The following NRG2 variants were observed in gnomAD, a reference collection of about 807,000 sequenced individuals.
NRG2 encodes the protein neuregulin 2.
Under a neutral mutation model 73.9 loss-of-function variants are expected in NRG2, and 27 were observed. That is an observed-to-expected ratio of 0.37 (90% CI 0.27 to 0.50). The LOEUF is 0.50. Ranked by LOEUF, NRG2 falls within the 20% of genes least tolerant of loss-of-function variation. NRG2 has a pLI of 0.96. For synonymous variants in NRG2, 532 were observed against 541.0 expected, an observed-to-expected ratio of 0.98 and a Z score of 0.23; for missense variants, 1,126 against 1,210.1, an observed-to-expected ratio of 0.93 and a Z score of 1.03.
In NRG2 at chr5:139,855,711, C is replaced by G; in HGVS notation, c.1257G>C (p.Val419=). The change falls in exon 6 of 10, where the codon GTG becomes GTC. Residue 419 remains valine, a synonymous_variant. Coordinates refer to ENST00000361474, the MANE Select transcript of NRG2 (RefSeq NM_004883.3). The stretch of plus-strand genomic sequence containing the variant: ...AGTAGGCCACCACACAGACGATGCC[C>G]ACGACCAGCAGAGCCACGCAGATGC... ...ITGICVALLV[V]GIVCVVAYCK... 1 of 1,614,124 alleles carries G rather than the reference C, an allele frequency of 6.2e-7. No homozygotes were observed. Among genetic ancestry groups the G allele is most frequent in the Non-Finnish European group, 8.5e-7 (1 of 1,179,992 alleles).
chr5:139,918,977 G>T (rs1751467880), intron 1 of NRG2, among the ~76,000 whole-genome samples: 1 of 152,196 alleles, frequency 6.6e-6, no homozygotes, highest in Admixed American at 6.5e-5. Context: ...TAGAAGAATA[G>T]GGTGAGTCAA....
intron 1 of NRG2, among the ~76,000 whole-genome samples, chr5:139,918,046 C>T (rs1165075889): frequency 6.6e-6 from 1 of 152,228 alleles, no homozygotes; most frequent in South Asian, 2.1e-4. Context: ...AAGTCTTTGA[C>T]CCATGTTGGG....
chr5:139,979,812 G>A (rs1357391972), intron 1 of NRG2, among the ~76,000 whole-genome samples: 1 of 152,186 alleles, frequency 6.6e-6, no homozygotes, highest in East Asian at 1.9e-4. Flanking sequence ...TGGCATGAGA[G>A]ACTTTGAACC....
Position 140,042,749 on chromosome 5 carries a change from A to G in NRG2, c.321T>C (p.Gly107=). 6.4e-7 allele frequency: 1 copy of G among 1,556,268 alleles called. No individual in the cohort carries two copies. The highest frequency in any genetic ancestry group is 8.7e-7 in the Non-Finnish European group (1 of 1,151,754). ...PAPGFSMLLF[G]VSLACYSPSL... is the part of the protein sequence containing the mutation. ...TGGGCGAGTAGCAGGCGAGCGACACACCGAAGAGCAGCATGGAGAAGCCGG... is the reference window on the plus strand; with the variant it reads ...TGGGCGAGTAGCAGGCGAGCGACACGCCGAAGAGCAGCATGGAGAAGCCGG... Residue 107 remains glycine (G), a synonymous_variant, in exon 1 of 10, where the codon GGT becomes GGC. Coordinates refer to ENST00000361474, the MANE Select transcript of NRG2 (RefSeq NM_004883.3).
chr5:139,908,924 TCTGGCC>T, intron 1 of NRG2, among the ~76,000 whole-genome samples: 1 of 152,194 alleles, frequency 6.6e-6, no homozygotes, highest in Non-Finnish European at 1.5e-5. Flanking sequence ...CTGGAGCACC[TCTGGCC>T]TGGACCAGGG....
chr5:139,856,993 C>G lies in NRG2; in HGVS notation c.1190-1215G>C, dbSNP rs1002985855. Among the ~76,000 whole-genome samples the G allele has an allele frequency of 1.3e-5, 2 of 152,202 alleles. No homozygotes were observed. Among genetic ancestry groups the G allele is most frequent in the Non-Finnish European group, 2.9e-5 (2 of 68,024 alleles). ...CTCACGCCCCCTTCACATGCCTCAT[C>G]CAGTTCAGCCAGGCATGTGTCTCCA... is the stretch of plus-strand genomic sequence containing the variant. On this transcript the variant is annotated intron_variant, in intron 5 of 9. Transcript: ENST00000361474. This position sits in a 1 kb window ranked among gnomAD's most constrained non-coding sequence, Gnocchi z 4.2.
chr5:139,923,003 C>G (rs988753876), intron 1 of NRG2, among the ~76,000 whole-genome samples: 3 of 152,238 alleles, frequency 2.0e-5, no homozygotes, highest in South Asian at 2.1e-4. Flanking sequence ...GTGAAAAATA[C>G]TCTGTTTGAT....
intron 1 of NRG2, among the ~76,000 whole-genome samples, chr5:139,935,471 CA>C (rs1752777231): frequency 6.6e-6 from 1 of 152,152 alleles, no homozygotes; most frequent in African/African-American, 2.4e-5. Flanking sequence ...GGCCATACTA[CA>C]AATCTCAATA....
intron 1 of NRG2, among the ~76,000 whole-genome samples, chr5:139,916,299 G>T (rs1751248906): frequency 6.6e-6 from 1 of 152,192 alleles, no homozygotes; most frequent in African/African-American, 2.4e-5. Context: ...TGGTCCCAGA[G>T]AATCCAGTCC....
chr5:139,875,505 T>G (rs1429157184), intron 3 of NRG2, among the ~76,000 whole-genome samples: 1 of 152,240 alleles, frequency 6.6e-6, no homozygotes, highest in Non-Finnish European at 1.5e-5. Flanking sequence ...AAAAGTGCCC[T>G]GTGCTACCAT....
rs1761155795 is a variant in NRG2, at chr5:139,848,362, C to T, written c.2108G>A (p.Ser703Asn). The T allele has an allele frequency of 8.1e-7, 1 of 1,237,118 alleles. No individual in the cohort carries two copies. The highest frequency in any genetic ancestry group is 1.0e-6 in the Non-Finnish European group (1 of 995,074). The allele number at this position is 1,237,118 out of a possible 1,614,324, so 76.6% of individuals were successfully genotyped here. ...LGGSLGSLPA[S>N]PFRIPEDDEY... ...GTCGTCCTCGGGGATGCGGAAGGGG[C>T]TGGCAGGCAGGCTGCCCAGGCTGCC... The change falls in exon 10 of 10, where the codon AGC becomes AAC. Residue 703 changes from serine (S) to asparagine (N), a missense_variant. Coordinates refer to ENST00000361474, the MANE Select transcript of NRG2 (RefSeq NM_004883.3).
intron 2 of NRG2, among the ~76,000 whole-genome samples, chr5:139,882,715 G>C (rs1264941200): frequency 6.6e-6 from 1 of 152,072 alleles, no homozygotes; most frequent in African/African-American, 2.4e-5. Flanking sequence ...GGGGGTGGGG[G>C]TGTTGATGCA....
At chr5:139,940,765 T>C (rs1348173172) in intron 1 of NRG2, among the ~76,000 whole-genome samples, 1 of 152,162 alleles carries the variant, frequency 6.6e-6, no homozygotes, top group Non-Finnish European at 1.5e-5. Flanking sequence ...GGAATAAGAA[T>C]TCAGTGTCTG....
intron 1 of NRG2, among the ~76,000 whole-genome samples, chr5:139,908,288 G>A (rs1765368764): frequency 6.6e-6 from 1 of 152,170 alleles, no homozygotes; most frequent in Non-Finnish European, 1.5e-5. Flanking sequence ...TAATCTGACT[G>A]GAATGTGCAG....
chr5:139,953,844 C>T (rs1754417207), intron 1 of NRG2, among the ~76,000 whole-genome samples: 1 of 152,084 alleles, frequency 6.6e-6, no homozygotes, highest in African/African-American at 2.4e-5. Flanking sequence ...TGATCCAAGC[C>T]CCCCATCTGA....
chr5:139,978,956 A>G (rs1423777926), intron 1 of NRG2, among the ~76,000 whole-genome samples: 2 of 151,870 alleles, frequency 1.3e-5, no homozygotes, highest in Non-Finnish European at 2.9e-5. Context: ...GAAGCTGGAA[A>G]CCATCATTCT....
In NRG2 at chr5:139,896,019, C is replaced by T. The variant is rs144637108; in HGVS notation, c.701-8508G>A. ...CTTTGGGGTGGGCCTGTGCTTCCTGCCTCCTTGGCCTGGCTGGAGAAAGTT... is the reference window on the plus strand; with the variant it reads ...CTTTGGGGTGGGCCTGTGCTTCCTGTCTCCTTGGCCTGGCTGGAGAAAGTT... On this transcript the variant is annotated intron_variant, in intron 1 of 9. Transcript: ENST00000361474. Among the ~76,000 whole-genome samples, 139 of 152,304 alleles carry T rather than the reference C, an allele frequency of 9.1e-4. 1 individual carries two copies. The highest frequency in any genetic ancestry group is 3.0e-3 in the African/African-American group (123 of 41,558).
chr5:139,919,327 A>T (rs138325331), intron 1 of NRG2, among the ~76,000 whole-genome samples: 4 of 152,166 alleles, frequency 2.6e-5, no homozygotes, highest in African/African-American at 9.6e-5. Flanking sequence ...TGAGAAAATG[A>T]TCTTCAAGGT....
chr5:140,031,555 G>A (rs1761158225), intron 1 of NRG2, among the ~76,000 whole-genome samples: 1 of 152,252 alleles, frequency 6.6e-6, no homozygotes, highest in Non-Finnish European at 1.5e-5. Flanking sequence ...TGCCCTGGAT[G>A]CAGCCTTGCT....
Sources: allele counts gnomAD v4.1 joint callset (sites outside exome capture counted in the v4.1 genomes callset), GRCh38; gene constraint gnomAD v4.1.1; non-coding constraint Gnocchi (gnomAD v3.1); transcripts MANE v1.5; gene names NCBI Gene and HGNC (gene_info 2026-07-23, HGNC 2026-07-21).